The following TSPAN5 variants were observed in gnomAD, a reference collection of about 807,000 sequenced individuals.
The protein encoded by TSPAN5 is tetraspanin 5.
TSPAN5 carries 10 observed loss-of-function variants against 37.1 expected under a neutral mutation model. The ratio of observed to expected loss-of-function variants is 0.27; its 90% CI spans 0.17 to 0.46. The LOEUF is 0.46. TSPAN5 is among the 20% of genes least tolerant of loss of function. The pLI, the probability that TSPAN5 is intolerant of heterozygous loss-of-function variation, is 1.00. For synonymous variants in TSPAN5, 110 were observed against 118.9 expected (o/e 0.93, Z 0.48); for missense variants, 195 against 326.6 (o/e 0.60, Z 3.11).
At chr4:98,581,465 C>T (rs1053955075) in intron 1 of TSPAN5, among the ~76,000 whole-genome samples, 9 of 152,146 alleles carry the variant, frequency 5.9e-5, no homozygotes, top group African/African-American at 1.4e-4. Flanking sequence ...TTTCTAAACG[C>T]CCCTGTCTTC....
In TSPAN5 at chr4:98,505,963, A is replaced by G. The variant is rs1753470967; in HGVS notation, c.132+1715T>C. 3.9e-5 allele frequency among the ~76,000 whole-genome samples: 6 copies of G among 152,242 alleles called. No homozygotes were observed. The South Asian group carries it at 1.0e-3, about 26-fold the overall frequency. ...AAGACCGCATCAACCCCTTGCTCTG[A>G]TATTTGTATGACACTGCCAGTTTTA... On this transcript the variant is annotated intron_variant, in intron 2 of 7. Transcript: ENST00000305798.
chr4:98,615,186 C>G (rs1242492294), intron 1 of TSPAN5, among the ~76,000 whole-genome samples: 1 of 152,192 alleles, frequency 6.6e-6, no homozygotes, highest in African/African-American at 2.4e-5. Flanking sequence ...CACGTGTAAC[C>G]TGCTATGAAA....
At chr4:98,554,406 C>T (rs904755532) in intron 1 of TSPAN5, among the ~76,000 whole-genome samples, 7 of 152,122 alleles carry the variant, frequency 4.6e-5, no homozygotes, top group South Asian at 2.1e-4. Flanking sequence ...TTGTTCACAG[C>T]GTGAACCATT....
chr4:98,567,965 T>C (rs1755044111), intron 1 of TSPAN5, among the ~76,000 whole-genome samples: 1 of 152,030 alleles, frequency 6.6e-6, no homozygotes, highest in South Asian at 2.1e-4. Flanking sequence ...ATCTGTAAAA[T>C]GGGGATGACA....
At chr4:98,476,111 A>T in intron 7 of TSPAN5, 78 bp downstream of exon 7, 2 of 1,114,312 alleles carry the variant, frequency 1.8e-6, no homozygotes, top group Non-Finnish European at 2.7e-6. Flanking sequence ...CAAGGTTTTT[A>T]AGCAAAGCTC....
At position 98,549,090 on chromosome 4, in the gene TSPAN5, C is replaced by T. The variant is rs76455760; in HGVS notation, c.82-41362G>A. ...CCGGAAATGGGATTGCTAGATCCAA[C>T]GGTAGTTCTATTTTTAGTTGAGAAA... On this transcript the variant is annotated intron_variant, in intron 1 of 7. Transcript: ENST00000305798. Among the ~76,000 whole-genome samples, 5 of 152,218 alleles carry T rather than the reference C, an allele frequency of 3.3e-5. No homozygotes were observed. In the East Asian group the frequency reaches 5.8e-4, roughly 18 times the overall value.
intron 1 of TSPAN5, among the ~76,000 whole-genome samples, chr4:98,583,399 C>T (rs2110197873): frequency 6.6e-6 from 1 of 152,132 alleles, no homozygotes; most frequent in South Asian, 2.1e-4. Flanking sequence ...TTCTTAATCC[C>T]CTCCCTCCTC....
chr4:98,630,342 A>T (rs930894863), intron 1 of TSPAN5, among the ~76,000 whole-genome samples: 16 of 152,234 alleles, frequency 1.1e-4, no homozygotes, highest in Non-Finnish European at 2.4e-4. Context: ...ACCCGCCTCC[A>T]ATACATACAG....
intron 1 of TSPAN5, among the ~76,000 whole-genome samples, chr4:98,648,221 T>C (rs1195300606): frequency 1.3e-5 from 2 of 152,176 alleles, no homozygotes; most frequent in Non-Finnish European, 2.9e-5. Context: ...TCAATGAACC[T>C]GTCATGCAGA....
rs373563733 is a variant in TSPAN5, at chr4:98,487,046, GAGAGAA to G, written c.133-168_133-163del. On this transcript the variant is annotated intron_variant, in intron 2 of 7. Coordinates refer to ENST00000305798, the MANE Select transcript of TSPAN5 (RefSeq NM_005723.4). Reference sequence around the variant, plus strand: ...ATACTTAAGAGAGGAAAGAAAGAGAGAGAGAAAGAGAAAGAGAAAGAAAGAGTGAGA... The same window carrying G: ...ATACTTAAGAGAGGAAAGAAAGAGAGAGAGAAAGAGAAAGAAAGAGTGAGA... 1.7e-3 allele frequency among the ~76,000 whole-genome samples: 251 copies of G among 149,316 alleles called. 1 individual carries two copies. The highest frequency in any genetic ancestry group is 4.0e-3 in the South Asian group (19 of 4,714).
At chr4:98,525,689 C>T (rs1285751643) in intron 1 of TSPAN5, among the ~76,000 whole-genome samples, 4 of 152,078 alleles carry the variant, frequency 2.6e-5, no homozygotes, top group Admixed American at 1.3e-4. Flanking sequence ...ATATATAGCT[C>T]ACATTTATTT....
chr4:98,618,298 G>A (rs77062063), intron 1 of TSPAN5, among the ~76,000 whole-genome samples: 3,117 of 150,852 alleles, frequency 0.021, 123 homozygotes, highest in African/African-American at 0.072. Flanking sequence ...CAAAGACAAA[G>A]TAGGAATAAT....
chr4:98,579,110 G>C (rs1217085010), intron 1 of TSPAN5, among the ~76,000 whole-genome samples: 1 of 152,236 alleles, frequency 6.6e-6, no homozygotes, highest in East Asian at 1.9e-4. Context: ...TGTTAGAGCA[G>C]AACAGGTGCT....
intron 1 of TSPAN5, among the ~76,000 whole-genome samples, chr4:98,620,916 G>A (rs1296942565): frequency 1.3e-5 from 2 of 152,166 alleles, no homozygotes; most frequent in African/African-American, 4.8e-5. Context: ...TCACTGTTAT[G>A]GGTTGAACTG....
At chr4:98,509,578 C>T (rs1156683332) in intron 1 of TSPAN5, among the ~76,000 whole-genome samples, 1 of 152,164 alleles carries the variant, frequency 6.6e-6, no homozygotes. Context: ...CTGAAGACCC[C>T]TTTCTTCCTA....
chr4:98,586,419 T>G (rs537835802), intron 1 of TSPAN5, among the ~76,000 whole-genome samples: 1 of 152,296 alleles, frequency 6.6e-6, no homozygotes, highest in African/African-American at 2.4e-5. Flanking sequence ...TTGTGTAATT[T>G]CTGAGCCAGG....
At chr4:98,628,561 T>C (rs1756661263) in intron 1 of TSPAN5, among the ~76,000 whole-genome samples, 1 of 152,200 alleles carries the variant, frequency 6.6e-6, no homozygotes, top group Admixed American at 6.5e-5. Context: ...TGGTTAGATC[T>C]GGCAACACAG....
chr4:98,473,318 C>A (rs1200435955), intron 7 of TSPAN5, among the ~76,000 whole-genome samples: 1 of 152,230 alleles, frequency 6.6e-6, no homozygotes, highest in Non-Finnish European at 1.5e-5. Flanking sequence ...TTCGTTTTCT[C>A]CACATCCTTG....
At chr4:98,488,317 C>G (rs1011711209) in intron 2 of TSPAN5, among the ~76,000 whole-genome samples, 2 of 152,188 alleles carry the variant, frequency 1.3e-5, no homozygotes, top group African/African-American at 4.8e-5. Flanking sequence ...TAGGTAGGAA[C>G]ATTTGGAGAA....
Sources: allele counts gnomAD v4.1 joint callset (sites outside exome capture counted in the v4.1 genomes callset), GRCh38; gene constraint gnomAD v4.1.1; transcripts MANE v1.5; gene names NCBI Gene and HGNC (gene_info 2026-07-23, HGNC 2026-07-21).